The following CHST9 variants were observed in gnomAD, a reference collection of about 807,000 sequenced individuals.
The protein encoded by CHST9 is carbohydrate sulfotransferase 9.
Under a neutral mutation model 44.4 loss-of-function variants are expected in CHST9, and 41 were observed. The observed-to-expected ratio is 0.92, with a 90% CI of 0.72 to 1.20. The LOEUF is 1.20. Ranked by LOEUF, CHST9 falls within the 50% of genes most tolerant of loss-of-function variation. CHST9 has a pLI of 0.00. For synonymous variants in CHST9, 171 were observed against 178.4 expected (o/e 0.96, Z 0.33); for missense variants, 504 against 516.5 (o/e 0.98, Z 0.23).
At chr18:27,075,657 C>A (rs1035617596) in intron 2 of CHST9, among the ~76,000 whole-genome samples, 1 of 152,192 alleles carries the variant, frequency 6.6e-6, no homozygotes, top group Non-Finnish European at 1.5e-5. Context: ...TTGCCAGCAT[C>A]AATTACCTAC....
At chr18:27,160,275 A>T (rs1037302649) in intron 1 of CHST9, among the ~76,000 whole-genome samples, 7 of 152,172 alleles carry the variant, frequency 4.6e-5, no homozygotes, top group African/African-American at 1.7e-4. Context: ...TTATTTTGAG[A>T]TACATCCCAT....
intron 4 of CHST9, among the ~76,000 whole-genome samples, chr18:26,964,635 A>C (rs2056442133): frequency 6.6e-6 from 1 of 152,224 alleles, no homozygotes. Context: ...GGCCAGCCCA[A>C]ATCTCTAAGC....
At chr18:27,131,077 A>G (rs976215813) in intron 2 of CHST9, among the ~76,000 whole-genome samples, 1 of 152,244 alleles carries the variant, frequency 6.6e-6, no homozygotes, top group Non-Finnish European at 1.5e-5. Flanking sequence ...GTTAGAAGTG[A>G]GTATCCTAGA....
At chr18:27,141,591 C>CA (rs34920055) in intron 2 of CHST9, among the ~76,000 whole-genome samples, 1,574 of 49,766 alleles carry the variant, frequency 0.032, 31 homozygotes, top group African/African-American at 0.082. Flanking sequence ...AATCCCGACT[C>CA]AAAAAAAAAA....
intron 4 of CHST9, among the ~76,000 whole-genome samples, chr18:26,949,517 T>C (rs373792543): frequency 2.8e-4 from 42 of 150,020 alleles, no homozygotes; most frequent in South Asian, 4.2e-4. Context: ...TGTCTGAAAA[T>C]AAACAAACAA....
chr18:27,171,440 TGAC>T (rs767267673), intron 1 of CHST9, among the ~76,000 whole-genome samples: 4 of 152,168 alleles, frequency 2.6e-5, no homozygotes, highest in Non-Finnish European at 5.9e-5. Context: ...TTTTGTGCAC[TGAC>T]TACATTTAAA....
intron 4 of CHST9, among the ~76,000 whole-genome samples, chr18:26,994,434 G>A (rs939399267): frequency 6.6e-6 from 1 of 152,032 alleles, no homozygotes; most frequent in Non-Finnish European, 1.5e-5. Context: ...CAGAAAGAGC[G>A]ATTTTCTCAG....
intron 2 of CHST9, among the ~76,000 whole-genome samples, chr18:27,093,269 C>T (rs189351355): frequency 1.3e-4 from 20 of 152,338 alleles, no homozygotes; most frequent in Non-Finnish European, 7.3e-5. Flanking sequence ...AGAACCACTG[C>T]CCTCTTCAGA....
chr18:27,042,165 A>G (rs2057452826), intron 3 of CHST9, among the ~76,000 whole-genome samples: 1 of 152,016 alleles, frequency 6.6e-6, no homozygotes, highest in Non-Finnish European at 1.5e-5. Context: ...CTTAGGAAAA[A>G]ATATTTTGCT....
chr18:27,070,231 T>C (rs937972376), intron 2 of CHST9, among the ~76,000 whole-genome samples: 1 of 152,208 alleles, frequency 6.6e-6, no homozygotes. Context: ...GCATCTAATA[T>C]AATGCACTGG....
intron 4 of CHST9, among the ~76,000 whole-genome samples, chr18:26,991,504 C>T (rs1469134979): frequency 1.5e-5 from 2 of 129,230 alleles, no homozygotes; most frequent in Non-Finnish European, 3.6e-5. Flanking sequence ...AAGCTGGGAT[C>T]CAGAGAGAGA....
intron 4 of CHST9, among the ~76,000 whole-genome samples, chr18:27,006,549 A>G (rs1598633167): frequency 6.6e-6 from 1 of 152,180 alleles, no homozygotes; most frequent in Non-Finnish European, 1.5e-5. Flanking sequence ...GTCAGAGATC[A>G]TTAGTTGTTT....
intron 2 of CHST9, among the ~76,000 whole-genome samples, chr18:27,131,284 G>A (rs781389558): frequency 4.6e-5 from 7 of 151,994 alleles, no homozygotes; most frequent in African/African-American, 7.2e-5. Flanking sequence ...GCGTGGTGGC[G>A]CACGCCTGTA....
intron 2 of CHST9, among the ~76,000 whole-genome samples, chr18:27,090,388 C>T (rs947755468): frequency 2.0e-5 from 3 of 152,120 alleles, no homozygotes; most frequent in Non-Finnish European, 4.4e-5. Context: ...TTCTCCTATT[C>T]TCTAGGTTGC....
chr18:27,150,694 C>T (rs1223297268), intron 1 of CHST9, among the ~76,000 whole-genome samples: 3 of 152,138 alleles, frequency 2.0e-5, no homozygotes, highest in Admixed American at 2.0e-4. Context: ...AATATAAATA[C>T]ACTTGTCTTT....
chr18:26,929,955 G>A (rs1281047448), intron 5 of CHST9, among the ~76,000 whole-genome samples: 4 of 152,272 alleles, frequency 2.6e-5, no homozygotes, highest in African/African-American at 7.2e-5. Flanking sequence ...CTGAGTCCTG[G>A]GAGCAGCATT....
chr18:27,011,591 C>T (rs1040038881), intron 4 of CHST9, among the ~76,000 whole-genome samples: 5 of 152,144 alleles, frequency 3.3e-5, no homozygotes, highest in African/African-American at 1.2e-4. Context: ...GAGTGGCTAC[C>T]CAGAACGGGT....
intron 5 of CHST9, among the ~76,000 whole-genome samples, chr18:26,941,592 T>G (rs542887160): frequency 6.6e-6 from 1 of 152,110 alleles, no homozygotes; most frequent in East Asian, 1.9e-4. Context: ...GTAACATTTT[T>G]CAGATAGGAA....
At chr18:27,102,747 C>T (rs955116565) in intron 2 of CHST9, among the ~76,000 whole-genome samples, 3 of 152,206 alleles carry the variant, frequency 2.0e-5, no homozygotes, top group Non-Finnish European at 4.4e-5. Context: ...AGGTTCTCAA[C>T]TACAGTATTC....
Sources: allele counts gnomAD v4.1 joint callset (sites outside exome capture counted in the v4.1 genomes callset), GRCh38; gene constraint gnomAD v4.1.1; transcripts MANE v1.5; gene names NCBI Gene and HGNC (gene_info 2026-07-23, HGNC 2026-07-21).